CNTN4: variants seen among roughly 807,000 people sequenced by gnomAD.
CNTN4 encodes the protein contactin 4, also known as contactin-4.
CNTN4 carries 77 observed loss-of-function variants against 122.5 expected under a neutral mutation model. The ratio of observed to expected loss-of-function variants is 0.63; its 90% confidence interval spans 0.52 to 0.76. CNTN4 has a LOEUF of 0.76. Among genes scored for constraint, CNTN4 ranks in the 30% least tolerant of loss-of-function variants. CNTN4 has a pLI of 0.00. For missense variants in CNTN4, 1,256 were observed against 1,259.1 expected (o/e 1.00, Z 0.04); for synonymous variants, 512 against 447.0 (o/e 1.15, Z -1.83).
At chr3:2,564,876 C>T (rs1004548919) in intron 3 of CNTN4, among the ~76,000 whole-genome samples, 1 of 152,132 alleles carries the variant, frequency 6.6e-6, no homozygotes, top group Admixed American at 6.6e-5. Context: ...ATCCGTATAA[C>T]TGTGGACTCT....
chr3:2,821,529 C>T (rs2092872597), intron 7 of CNTN4, among the ~76,000 whole-genome samples: 1 of 152,096 alleles, frequency 6.6e-6, no homozygotes, highest in Non-Finnish European at 1.5e-5. Context: ...CATTGATCAC[C>T]TCAGTGGCAA....
At chr3:2,371,262 TCATACATGC>T in intron 3 of CNTN4, among the ~76,000 whole-genome samples, 1 of 152,292 alleles carries the variant, frequency 6.6e-6, no homozygotes, top group East Asian at 1.9e-4. Context: ...TTTTTGTGGC[TCATACATGC>T]CACTGTGCCA....
chr3:2,521,099 G>A (rs1453861523), intron 3 of CNTN4, among the ~76,000 whole-genome samples: 1 of 152,036 alleles, frequency 6.6e-6, no homozygotes, highest in Non-Finnish European at 1.5e-5. Context: ...TCTGTTGGCT[G>A]TTTTGCCCAG....
chr3:2,490,982 G>C (rs1163126474), intron 3 of CNTN4, among the ~76,000 whole-genome samples: 2 of 152,110 alleles, frequency 1.3e-5, no homozygotes, highest in Non-Finnish European at 2.9e-5. Context: ...ACCTTCTTTA[G>C]TGTATACAAA....
At chr3:2,580,852 T>G (rs550022866) in intron 4 of CNTN4, among the ~76,000 whole-genome samples, 5 of 152,278 alleles carry the variant, frequency 3.3e-5, no homozygotes, top group African/African-American at 1.2e-4. Flanking sequence ...TTATCCTAAG[T>G]TCATAGATAA....
chr3:2,122,762 C>G (rs77362723), intron 2 of CNTN4, among the ~76,000 whole-genome samples: 2,173 of 152,284 alleles, frequency 0.014, 17 homozygotes, highest in South Asian at 0.02. Context: ...GCAGTAGCTC[C>G]TTAGCAATTA....
chr3:2,148,973 G>A (rs954582548), intron 2 of CNTN4, among the ~76,000 whole-genome samples: 3 of 148,670 alleles, frequency 2.0e-5, no homozygotes, highest in South Asian at 4.2e-4. Flanking sequence ...TGTGTGTGTT[G>A]GGGGGGTGGT....
intron 2 of CNTN4, among the ~76,000 whole-genome samples, chr3:2,336,711 G>T (rs1207444094): frequency 6.6e-6 from 1 of 152,112 alleles, no homozygotes; most frequent in African/African-American, 2.4e-5. Context: ...ACCTCATGGG[G>T]ACTTGACTTA....
chr3:2,500,785 C>T (rs750095958), intron 3 of CNTN4, among the ~76,000 whole-genome samples: 2 of 152,044 alleles, frequency 1.3e-5, no homozygotes, highest in Non-Finnish European at 2.9e-5. Flanking sequence ...ATAAATTCCA[C>T]ATACTGAAAT....
At chr3:2,475,777 A>G (rs1183585188) in intron 3 of CNTN4, among the ~76,000 whole-genome samples, 1 of 152,168 alleles carries the variant, frequency 6.6e-6, no homozygotes, top group Non-Finnish European at 1.5e-5. Flanking sequence ...AGATGAGAAA[A>G]CTGAGTCACA....
At chr3:2,905,672 A>G (rs906563966) in intron 12 of CNTN4, among the ~76,000 whole-genome samples, 1 of 152,260 alleles carries the variant, frequency 6.6e-6, no homozygotes, top group Admixed American at 6.5e-5. Context: ...TTATTTAACC[A>G]TGTTTCACAT....
chr3:3,025,206 C>G (rs1025751600), intron 14 of CNTN4, among the ~76,000 whole-genome samples: 1 of 152,136 alleles, frequency 6.6e-6, no homozygotes, highest in Non-Finnish European at 1.5e-5. Flanking sequence ...CAAGCCCATT[C>G]TATTCCCAGT....
At chr3:2,685,076 A>G (rs1438313127) in intron 4 of CNTN4, among the ~76,000 whole-genome samples, 2 of 152,184 alleles carry the variant, frequency 1.3e-5, no homozygotes, top group African/African-American at 4.8e-5. Flanking sequence ...GTGTATACAT[A>G]TACATTAAGA....
intron 23 of CNTN4, among the ~76,000 whole-genome samples, chr3:3,049,808 C>T (rs928835781): frequency 6.6e-6 from 1 of 151,302 alleles, no homozygotes; most frequent in Non-Finnish European, 1.5e-5. Context: ...GACAATGTAG[C>T]AACATTGGAA....
Position 3,016,468 on chromosome 3 carries a change from C to T in CNTN4, c.1487-9634C>T, listed in dbSNP as rs368577153. ...TGAAGCATGGCACAAATCCAGACCC[C>T]GGAGGTTTGCTTTCCCTGGTCATGG... On this transcript the variant is annotated intron_variant, in intron 14 of 24. Coordinates refer to ENST00000418658, the MANE Select transcript of CNTN4 (RefSeq NM_175607.3). 7.9e-4 allele frequency among the ~76,000 whole-genome samples: 120 copies of T among 152,226 alleles called. No individual in the cohort carries two copies. The South Asian group carries it at 9.5e-3, about 12-fold the overall frequency.
intron 3 of CNTN4, among the ~76,000 whole-genome samples, chr3:2,542,077 G>A (rs1559211750): frequency 6.6e-6 from 1 of 152,088 alleles, no homozygotes. Flanking sequence ...TGGGTCAGTA[G>A]CACAGTGCCC....
intron 8 of CNTN4, among the ~76,000 whole-genome samples, chr3:2,870,010 C>T (rs1488130552): frequency 6.6e-6 from 1 of 152,154 alleles, no homozygotes; most frequent in Non-Finnish European, 1.5e-5. Context: ...AATATCTGTT[C>T]AGTGGTATTA....
chr3:2,629,548 C>T (rs1213809142), intron 4 of CNTN4: 1 of 453,286 alleles, frequency 2.2e-6, no homozygotes, highest in Non-Finnish European at 4.4e-6. Context: ...ACTTCTGGTC[C>T]TTGCTGGGGG....
chr3:2,801,477 C>T (rs2092345379), intron 6 of CNTN4, among the ~76,000 whole-genome samples: 3 of 152,182 alleles, frequency 2.0e-5, no homozygotes, highest in Admixed American at 1.3e-4. Flanking sequence ...TAGCCTCACA[C>T]ATCACTGTAG....
Sources: allele counts gnomAD v4.1 joint callset (sites outside exome capture counted in the v4.1 genomes callset), GRCh38; gene constraint gnomAD v4.1.1; transcripts MANE v1.5; gene names NCBI Gene and HGNC (gene_info 2026-07-23, HGNC 2026-07-21).